Variants in RPRD1A observed in about 807,000 individuals in gnomAD.
RPRD1A encodes regulation of nuclear pre-mRNA domain-containing protein 1A.
In RPRD1A, 9 loss-of-function variants were observed where a neutral mutation model predicts 37.8. The ratio of observed to expected loss-of-function variants is 0.24; its 90% CI spans 0.14 to 0.42. The LOEUF (loss-of-function observed/expected upper bound fraction) is 0.42. Ranked by LOEUF, RPRD1A falls within the 10% of genes least tolerant of loss-of-function variation. The pLI, the probability that RPRD1A is intolerant of heterozygous loss-of-function variation, is 1.00. For missense variants in RPRD1A, 255 were observed against 371.0 expected (o/e 0.69, Z 2.57); for synonymous variants, 138 against 139.7 (o/e 0.99, Z 0.08).
intron 1 of RPRD1A, among the ~76,000 whole-genome samples, chr18:36,048,983 C>A (rs1430725254): frequency 2.0e-5 from 3 of 152,164 alleles, no homozygotes; most frequent in Non-Finnish European, 4.4e-5. Flanking sequence ...CTCACTGCAA[C>A]CTCCGCCTCC....
Position 36,012,055 on chromosome 18 carries a change from C to T in RPRD1A, c.789+14845G>A, listed in dbSNP as rs534954346. Among the ~76,000 whole-genome samples the T allele has an allele frequency of 3.3e-5, 5 of 152,282 alleles. No individual in the cohort carries two copies. In the East Asian group the frequency reaches 7.7e-4, roughly 24 times the overall value. On this transcript the variant is annotated intron_variant, in intron 6 of 6. Coordinates refer to ENST00000399022, the MANE Select transcript of RPRD1A (RefSeq NM_018170.5). ...CAGCATGTTGTATATGTTACCACCC[C>T]CATACAATGTGACTGTATAGAAACA...
At chr18:36,007,774 C>A (rs1445475092) in intron 6 of RPRD1A, among the ~76,000 whole-genome samples, 1 of 151,728 alleles carries the variant, frequency 6.6e-6, no homozygotes, top group Non-Finnish European at 1.5e-5. Flanking sequence ...CCCATCTCTA[C>A]CAAAAATACA....
At chr18:36,046,814 G>T (rs967643484) in intron 1 of RPRD1A, among the ~76,000 whole-genome samples, 1 of 149,858 alleles carries the variant, frequency 6.7e-6, no homozygotes, top group African/African-American at 2.5e-5. Flanking sequence ...CAGCCTGGGT[G>T]ACAGTGAGAG....
chr18:36,032,697 G>A (rs576003422), intron 2 of RPRD1A, among the ~76,000 whole-genome samples: 4 of 152,346 alleles, frequency 2.6e-5, no homozygotes, highest in African/African-American at 9.6e-5. Context: ...TATGGGGACT[G>A]AAGGAGAAAG....
intron 6 of RPRD1A, among the ~76,000 whole-genome samples, chr18:36,004,813 G>T (rs899553944): frequency 1.3e-5 from 2 of 152,176 alleles, no homozygotes; most frequent in Non-Finnish European, 2.9e-5. Context: ...TGAGGCAGGA[G>T]AATCACTTGA....
chr18:36,043,089 C>T (rs1010301585), intron 1 of RPRD1A, among the ~76,000 whole-genome samples: 1 of 147,012 alleles, frequency 6.8e-6, no homozygotes, highest in Non-Finnish European at 1.5e-5. Context: ...AAAATGAAAG[C>T]GATTGATGTA....
intron 1 of RPRD1A, among the ~76,000 whole-genome samples, chr18:36,059,571 T>A (rs568533072): frequency 6.6e-6 from 1 of 152,308 alleles, no homozygotes; most frequent in African/African-American, 2.4e-5. Flanking sequence ...ATAACCCACA[T>A]AAACAAAAGA....
At chr18:36,057,425 T>C (rs1018618442) in intron 1 of RPRD1A, among the ~76,000 whole-genome samples, 1 of 152,038 alleles carries the variant, frequency 6.6e-6, no homozygotes, top group Non-Finnish European at 1.5e-5. Context: ...CTGGGCAATA[T>C]GGCAAACACG....
At chr18:36,038,622 G>C (rs1368428480) in intron 1 of RPRD1A, among the ~76,000 whole-genome samples, 2 of 152,214 alleles carry the variant, frequency 1.3e-5, no homozygotes, top group Admixed American at 1.3e-4. Flanking sequence ...CTGCCTAGTG[G>C]AGTTCAAGAA....
chr18:36,017,470 C>T (rs1910667690), intron 6 of RPRD1A, among the ~76,000 whole-genome samples: 1 of 152,200 alleles, frequency 6.6e-6, no homozygotes, highest in South Asian at 2.1e-4. Flanking sequence ...CACCACCACT[C>T]CTTTCTTCCC....
intron 6 of RPRD1A, among the ~76,000 whole-genome samples, chr18:35,996,170 G>A (rs942300016): frequency 1.3e-5 from 2 of 152,142 alleles, no homozygotes; most frequent in Non-Finnish European, 2.9e-5. Context: ...AATGTAAGAT[G>A]TTACAATAGG....
chr18:36,037,090 T>A (rs553209512), intron 1 of RPRD1A, among the ~76,000 whole-genome samples: 1 of 152,344 alleles, frequency 6.6e-6, no homozygotes, highest in East Asian at 1.9e-4. Context: ...AATTGGCAGA[T>A]GATAGGTCAC....
chr18:36,019,395 C>A (rs1054880862), intron 6 of RPRD1A, among the ~76,000 whole-genome samples: 1 of 152,096 alleles, frequency 6.6e-6, no homozygotes, highest in Non-Finnish European at 1.5e-5. Context: ...GCATGAGCCA[C>A]CGCGCCTGGC....
At chr18:36,057,527 G>A (rs994427843) in intron 1 of RPRD1A, among the ~76,000 whole-genome samples, 2 of 152,110 alleles carry the variant, frequency 1.3e-5, no homozygotes, top group South Asian at 2.1e-4. Context: ...TGGGAGGATC[G>A]CTTAAGCCCA....
intron 6 of RPRD1A, among the ~76,000 whole-genome samples, chr18:36,015,707 T>C (rs1183886149): frequency 1.3e-5 from 2 of 152,122 alleles, no homozygotes; most frequent in Admixed American, 6.5e-5. Flanking sequence ...GCTAAAGAAA[T>C]AAGCCAGTCA....
At chr18:36,024,400 C>A (rs1911218979) in intron 6 of RPRD1A, among the ~76,000 whole-genome samples, 1 of 151,412 alleles carries the variant, frequency 6.6e-6, no homozygotes, top group Non-Finnish European at 1.5e-5. Flanking sequence ...AAGTGATTCA[C>A]CCAGCTCAGC....
At chr18:36,020,721 T>C (rs1316838459) in intron 6 of RPRD1A, among the ~76,000 whole-genome samples, 2 of 152,032 alleles carry the variant, frequency 1.3e-5, no homozygotes, top group Admixed American at 6.5e-5. Context: ...TCCTAGCTAC[T>C]TGGGAGGCTG....
chr18:36,027,354 A>G, intron 4 of RPRD1A, 44 bp from the exon 5 acceptor site: 1 of 1,605,068 alleles, frequency 6.2e-7, no homozygotes, highest in African/African-American at 1.3e-5. Flanking sequence ...TTGAGCTTAA[A>G]CAAGTGCAAA....
intron 1 of RPRD1A, among the ~76,000 whole-genome samples, chr18:36,061,529 G>C (rs1390813641): frequency 1.3e-5 from 2 of 152,198 alleles, no homozygotes; most frequent in South Asian, 2.1e-4. Context: ...GTGTAGAAAA[G>C]AGCCCAAATG....
Sources: gnomAD v4.1 joint callset for allele counts (sites outside exome capture counted in the v4.1 genomes callset) on GRCh38, gnomAD v4.1.1 for gene constraint, MANE v1.5 for transcripts, NCBI Gene and HGNC (gene_info 2026-07-23, HGNC 2026-07-21) for gene names.